KCNMB2: variants seen among roughly 807,000 people sequenced by gnomAD.
KCNMB2 encodes the protein potassium calcium-activated channel subfamily M regulatory beta subunit 2, also known as calcium-activated potassium channel subunit beta-2.
KCNMB2 carries 9 observed loss-of-function variants against 24.5 expected under a neutral mutation model. The observed-to-expected ratio is 0.37, with a 90% CI of 0.22 to 0.64. The LOEUF (loss-of-function observed/expected upper bound fraction) is 0.64, where lower values mean the gene tolerates loss of function less well. KCNMB2 is among the 30% of genes least tolerant of loss of function. The pLI is 0.63. For synonymous variants in KCNMB2, 109 were observed against 104.4 expected (o/e 1.04, Z -0.27); for missense variants, 226 against 284.3 (o/e 0.79, Z 1.47).
At chr3:178,771,291 G>C (rs934294137) in intron 1 of KCNMB2, among the ~76,000 whole-genome samples, 2 of 151,764 alleles carry the variant, frequency 1.3e-5, no homozygotes, top group African/African-American at 4.8e-5. Flanking sequence ...CTTGCTCACT[G>C]CAAGGGCTCA....
chr3:178,714,693 G>A (rs1041822338), intron 1 of KCNMB2, among the ~76,000 whole-genome samples: 2 of 152,226 alleles, frequency 1.3e-5, no homozygotes, highest in Middle Eastern at 3.2e-3. Context: ...TTGTTCACAG[G>A]TAGGTGGGCA....
chr3:178,733,935 T>A (rs1342785797), intron 1 of KCNMB2, among the ~76,000 whole-genome samples: 1 of 151,890 alleles, frequency 6.6e-6, no homozygotes, highest in Non-Finnish European at 1.5e-5. Context: ...GTGGAGGAGG[T>A]GAAAAGTGAT....
intron 1 of KCNMB2, among the ~76,000 whole-genome samples, chr3:178,707,649 C>T (rs970582974): frequency 1.3e-5 from 2 of 152,184 alleles, no homozygotes; most frequent in East Asian, 1.9e-4. Context: ...GGAGGAGAAC[C>T]CAGGCATAAG....
At chr3:178,578,497 C>T (rs1287960866) in intron 1 of KCNMB2, among the ~76,000 whole-genome samples, 1 of 152,182 alleles carries the variant, frequency 6.6e-6, no homozygotes, top group African/African-American at 2.4e-5. Context: ...CAGCTAGCAT[C>T]ATAATGACAG....
intron 1 of KCNMB2, among the ~76,000 whole-genome samples, chr3:178,589,483 G>T (rs1717584965): frequency 6.6e-6 from 1 of 151,812 alleles, no homozygotes; most frequent in Non-Finnish European, 1.5e-5. Context: ...TTTTGTTGTT[G>T]TTTGTTTGTT....
intron 1 of KCNMB2, among the ~76,000 whole-genome samples, chr3:178,720,133 C>A (rs1722748801): frequency 6.6e-6 from 1 of 152,082 alleles, no homozygotes; most frequent in Admixed American, 6.6e-5. Flanking sequence ...CTCCCCACTC[C>A]ACCCACCCCA....
At chr3:178,567,068 G>A (rs978293469) in intron 1 of KCNMB2, among the ~76,000 whole-genome samples, 3 of 152,156 alleles carry the variant, frequency 2.0e-5, no homozygotes, top group Admixed American at 6.5e-5. Flanking sequence ...TCAAATGAGC[G>A]TATCGTGACT....
At chr3:178,565,928 C>T (rs1010869844) in intron 1 of KCNMB2, among the ~76,000 whole-genome samples, 16 of 152,032 alleles carry the variant, frequency 1.1e-4, no homozygotes, top group African/African-American at 3.6e-4. Context: ...GAGTAAAACA[C>T]GAATATAAAA....
At chr3:178,738,128 C>A (rs897669277) in intron 1 of KCNMB2, among the ~76,000 whole-genome samples, 1 of 152,162 alleles carries the variant, frequency 6.6e-6, no homozygotes, top group African/African-American at 2.4e-5. Context: ...ACTCCTCCCC[C>A]TCCACTACTC....
intron 3 of KCNMB2, among the ~76,000 whole-genome samples, chr3:178,826,251 C>T (rs1293651693): frequency 6.6e-6 from 1 of 152,148 alleles, no homozygotes; most frequent in African/African-American, 2.4e-5. Context: ...CCAATTTCCC[C>T]AGAAACTCTT....
In KCNMB2 at chr3:178,828,355, A is replaced by G; in HGVS notation, c.405A>G (p.Thr135=). The change falls in exon 4 of 5, where the codon ACA becomes ACG. Residue 135 remains threonine, a synonymous_variant. Coordinates refer to ENST00000452583, the MANE Select transcript of KCNMB2 (RefSeq NM_181361.3). ...TCCTCCTCTACCACACAGAAGAGAC[A>G]ATAAAAATCAATCAGAAGGTAGGAA... The part of the protein sequence containing the change: ...EKLLLYHTEE[T]IKINQKCSYI... 6.2e-7 allele frequency: 1 copy of G among 1,613,254 alleles called. No individual in the cohort carries two copies. The highest frequency in any genetic ancestry group is 1.1e-5 in the South Asian group (1 of 90,964).
intron 1 of KCNMB2, among the ~76,000 whole-genome samples, chr3:178,748,052 T>C (rs1018144971): frequency 4.6e-5 from 7 of 152,190 alleles, no homozygotes; most frequent in Non-Finnish European, 1.0e-4. Context: ...ATTCCATTAA[T>C]TGTCACCAAA....
chr3:178,615,269 C>G (rs1427407305), intron 1 of KCNMB2, among the ~76,000 whole-genome samples: 1 of 152,166 alleles, frequency 6.6e-6, no homozygotes, highest in East Asian at 1.9e-4. Flanking sequence ...TGTAACCATT[C>G]CCTGGCTACT....
chr3:178,707,656 TA>T, intron 1 of KCNMB2, among the ~76,000 whole-genome samples: 1 of 152,264 alleles, frequency 6.6e-6, no homozygotes, highest in Middle Eastern at 3.4e-3. Context: ...AACCCAGGCA[TA>T]AGTAATTTTT....
At chr3:178,552,249 A>G (rs887837815) in intron 1 of KCNMB2, among the ~76,000 whole-genome samples, 3 of 152,222 alleles carry the variant, frequency 2.0e-5, no homozygotes, top group Non-Finnish European at 2.9e-5. Context: ...ACAAACTCCC[A>G]CACTGAGGAG....
At chr3:178,580,219 T>C (rs567430599) in intron 1 of KCNMB2, among the ~76,000 whole-genome samples, 11 of 152,330 alleles carry the variant, frequency 7.2e-5, no homozygotes, top group African/African-American at 2.6e-4. Flanking sequence ...TGGTTCAACA[T>C]ATGCAAATCA....
chr3:178,556,275 T>A (rs1716121025), intron 1 of KCNMB2, among the ~76,000 whole-genome samples: 2 of 152,344 alleles, frequency 1.3e-5, no homozygotes, highest in African/African-American at 4.8e-5. Flanking sequence ...GTCATTTTCA[T>A]GGATGTGGTC....
intron 1 of KCNMB2, among the ~76,000 whole-genome samples, chr3:178,571,447 GATATATATATATATAT>G (rs71181237): frequency 0.072 from 6,534 of 91,150 alleles, 378 homozygotes; most frequent in Middle Eastern, 0.17. Flanking sequence ...TTTCCTTATG[GATATATATATATATAT>G]ATATATATAT....
chr3:178,759,305 A>ATC (rs1438713745), intron 1 of KCNMB2, among the ~76,000 whole-genome samples: 14 of 101,316 alleles, frequency 1.4e-4, no homozygotes, highest in Non-Finnish European at 2.8e-4. Flanking sequence ...ACATATATAT[A>ATC]TCTCCAAGAG....
Sources: allele counts gnomAD v4.1 joint callset (sites outside exome capture counted in the v4.1 genomes callset), GRCh38; gene constraint gnomAD v4.1.1; transcripts MANE v1.5; gene names NCBI Gene and HGNC (gene_info 2026-07-23, HGNC 2026-07-21).